EBLN1: variants seen among roughly 807,000 people sequenced by gnomAD.
EBLN1 encodes the protein endogenous Bornavirus-like nucleoprotein 1.
Under a neutral mutation model 0.8 loss-of-function variants are expected in EBLN1, and 1 was observed. The ratio of observed to expected loss-of-function variants is 1.32; its 90% CI spans 0.47 to 6.26. EBLN1 has a LOEUF of 6.26. Among genes scored for constraint, EBLN1 ranks in the 30% most tolerant of loss-of-function variants. The probability of loss-of-function intolerance (pLI) is 0.15; values close to 1 mark genes in which losing one functional copy is unlikely to be tolerated. For synonymous variants in EBLN1, 158 were observed against 158.5 expected (o/e 1.00, Z 0.02); for missense variants, 396 against 447.9 (o/e 0.88, Z 1.05).
In EBLN1 at chr10:22,209,869, A is replaced by G. The variant is rs1348077331; in HGVS notation, c.115T>C (p.Tyr39His). Residue 39 changes from tyrosine (Y) to histidine (H), a missense_variant, in exon 3 of 3, where the codon TAT becomes CAT. Coordinates refer to ENST00000422359, the MANE Select transcript of EBLN1 (RefSeq NM_001394757.1). ...RFELSGKSRQ[Y>H]PADALEPQPG... ...TGGGGCTCCAATGCATCTGCTGGAT[A>G]CTGTCTGCTCTTCCCAGAGAGCTCA... is the stretch of plus-strand genomic sequence containing the variant. 3 of 1,521,156 alleles carry G rather than the reference A, an allele frequency of 2.0e-6. No individual in the cohort carries two copies. The highest frequency in any genetic ancestry group is 2.6e-6 in the Non-Finnish European group (3 of 1,140,682). The allele number at this position is 1,521,156 out of a possible 1,614,324, so 94.2% of individuals were successfully genotyped here. A position where few individuals can be genotyped will look rare whatever the true frequency, so the allele number is the denominator to read the frequency against.
Position 22,208,942 on chromosome 10 carries a change from C to T in EBLN1, c.1042G>A (p.Asp348Asn). The change falls in exon 3 of 3, where the codon GAC (aspartate) becomes AAC (asparagine). Residue 348 changes from aspartate to asparagine, a missense_variant. Asp to Asn is a conservative substitution (Grantham distance 23). Transcript: ENST00000422359. Reference sequence around the variant, plus strand: ...ATGTTAAGTGTATATGGATCCATGTCACTTCCTCTGGAGATTTTCTGAGCA... The same window carrying T: ...ATGTTAAGTGTATATGGATCCATGTTACTTCCTCTGGAGATTTTCTGAGCA... ...ASAQKISRGSDMDPYTLNILR... is the reference protein window; with the variant it reads ...ASAQKISRGSNMDPYTLNILR... 6.5e-7 allele frequency: 1 copy of T among 1,535,648 alleles called. No individual in the cohort carries two copies. The highest frequency in any genetic ancestry group is 8.7e-7 in the Non-Finnish European group (1 of 1,146,898).
In EBLN1 at chr10:22,209,368, T is replaced by G. The variant is rs1453345845; in HGVS notation, c.616A>C (p.Met206Leu). ...INSRPWVGGL[M>L]FTFLFGEFES... ...AATTCTCCAAATAGAAATGTGAACA[T>G]TAATCCTCCAACCCATGGTCTTGAG... Residue 206 changes from methionine (M) to leucine (L), a missense_variant, in exon 3 of 3, where the codon ATG becomes CTG. Physicochemically the swap from Met to Leu is conservative, Grantham distance 15 (BLOSUM62 2). Coordinates refer to ENST00000422359, the MANE Select transcript of EBLN1 (RefSeq NM_001394757.1). The G allele has an allele frequency of 3.7e-6, 6 of 1,605,626 alleles. No homozygotes were observed. Among genetic ancestry groups the G allele is most frequent in the Non-Finnish European group, 5.1e-6 (6 of 1,179,844 alleles).
intron 2 of EBLN1, among the ~76,000 whole-genome samples, chr10:22,212,179 A>C (rs1459066470): frequency 6.6e-6 from 1 of 152,218 alleles, no homozygotes; most frequent in African/African-American, 2.4e-5. Context: ...GTACTATAGG[A>C]TTTTGTGAGT....
chr10:22,212,576 A>G (rs115651957), intron 2 of EBLN1, among the ~76,000 whole-genome samples: 2,088 of 152,230 alleles, frequency 0.014, 42 homozygotes, highest in African/African-American at 0.046. Context: ...ACCAGGTCAA[A>G]TACATAGTTT....
In EBLN1 at chr10:22,209,472, G is replaced by A; in HGVS notation, c.512C>T (p.Ser171Phe). The change falls in exon 3 of 3, where the codon TCC becomes TTC. Residue 171 changes from serine (S) to phenylalanine (F), a missense_variant. Physicochemically the swap from Ser to Phe is radical, Grantham distance 155. Transcript: ENST00000422359. ...VQRQFKAMMI[S>F]IGRPLHSESA... Reference sequence around the variant, plus strand: ...TTCACTATGCAAAGGTCTTCCAATGGATATCATCATTGCCTTGAATTGTCT... The same window carrying A: ...TTCACTATGCAAAGGTCTTCCAATGAATATCATCATTGCCTTGAATTGTCT... The A allele has an allele frequency of 6.3e-7, 1 of 1,596,874 alleles. No individual in the cohort carries two copies. The highest frequency in any genetic ancestry group is 1.1e-5 in the South Asian group (1 of 90,800).
intron 1 of EBLN1, among the ~76,000 whole-genome samples, chr10:22,214,431 C>G (rs1489701813): frequency 6.6e-6 from 1 of 151,700 alleles, no homozygotes; most frequent in East Asian, 1.9e-4. Flanking sequence ...TCCTGAGTAG[C>G]TGGGACTACA....
Position 22,216,212 on chromosome 10 carries a change from G to A in EBLN1, c.-169+1704C>T, listed in dbSNP as rs1443074196. ...TTTTTTACCCCAATAAAAGTCATTC[G>A]GTGAAACCCAATTTAGGGACACCTC... On this transcript the variant is annotated intron_variant, in intron 1 of 2. Transcript: ENST00000422359. Among the ~76,000 whole-genome samples, 11 of 151,160 alleles carry A rather than the reference G, an allele frequency of 7.3e-5. No homozygotes were observed. The East Asian group carries it at 1.9e-3, about 27-fold the overall frequency.
At position 22,209,592 on chromosome 10, in the gene EBLN1, AG is replaced by A; in HGVS notation, c.391del (p.Glu132ArgfsTer12). The A allele has an allele frequency of 1.3e-6, 2 of 1,537,842 alleles. No individual in the cohort carries two copies. The highest frequency in any genetic ancestry group is 1.7e-6 in the Non-Finnish European group (2 of 1,147,978). On this transcript the variant is annotated frameshift_variant, in exon 3 of 3. Coordinates refer to ENST00000422359, the MANE Select transcript of EBLN1 (RefSeq NM_001394757.1). LOFTEE classifies it low-confidence loss of function (END_TRUNC). The stretch of plus-strand genomic sequence containing the variant: ...GTGACGCAGAATTGATGACATCTCA[AG>A]GGCAGTGAAGGTAGGCAAAACATCT... ...FEDVLPTFTA[L>X]EMSSILRHCC...
rs1834717840 is a variant in EBLN1 at position 22,208,953 on chromosome 10, G to C, written c.1031C>G (p.Ser344Cys). The change falls in exon 3 of 3, where the codon TCC becomes TGC. Residue 344 changes from serine to cysteine, a missense_variant. Physicochemically the swap from Ser to Cys is moderately radical, Grantham distance 112. Transcript: ENST00000422359. ...ATATGGATCCATGTCACTTCCTCTGGAGATTTTCTGAGCAGATGCCATTTG... is the reference window on the plus strand; with the variant it reads ...ATATGGATCCATGTCACTTCCTCTGCAGATTTTCTGAGCAGATGCCATTTG... ...VLQMASAQKI[S>C]RGSDMDPYTL... is the part of the protein sequence containing the mutation. 1 of 1,535,646 alleles carries C rather than the reference G, an allele frequency of 6.5e-7. No individual in the cohort carries two copies. The highest frequency in any genetic ancestry group is 8.7e-7 in the Non-Finnish European group (1 of 1,146,896).
At chr10:22,211,497 A>C (rs569011955) in intron 2 of EBLN1, among the ~76,000 whole-genome samples, 1 of 150,356 alleles carries the variant, frequency 6.7e-6, no homozygotes, top group Middle Eastern at 3.4e-3. Context: ...TTAACAAAAA[A>C]CAATTTTTTT....
Position 22,208,734 on chromosome 10 carries a change from A to T in EBLN1, c.*149T>A. ...CAGAGAATATTGGATGGACTCTTTT[A>T]AAGAATAAAAGATTATAGAGAAGTT... On this transcript the variant is annotated 3_prime_UTR_variant, in exon 3 of 3. Transcript: ENST00000422359. The T allele has an allele frequency of 1.1e-6, 1 of 897,628 alleles. No individual in the cohort carries two copies. Among genetic ancestry groups the T allele is most frequent in the Non-Finnish European group, 1.6e-6 (1 of 636,976 alleles). The allele number at this position is 897,628 out of a possible 1,614,324, so 55.6% of individuals were successfully genotyped here. A position where few individuals can be genotyped will look rare whatever the true frequency, so the allele number is the denominator to read the frequency against.
intron 2 of EBLN1, among the ~76,000 whole-genome samples, chr10:22,210,857 A>G (rs989913268): frequency 1.3e-5 from 2 of 152,246 alleles, no homozygotes; most frequent in Admixed American, 1.3e-4. Context: ...AACACTGGAA[A>G]GGGAATGGAA....
chr10:22,214,302 C>CTTTT (rs34128744), intron 1 of EBLN1, among the ~76,000 whole-genome samples: 2 of 139,046 alleles, frequency 1.4e-5, no homozygotes, highest in Non-Finnish European at 3.1e-5. Flanking sequence ...GTTTTACTTT[C>CTTTT]TTTTTTTTTT....
chr10:22,216,268 A>G (rs1834791581), intron 1 of EBLN1, among the ~76,000 whole-genome samples: 1 of 151,958 alleles, frequency 6.6e-6, no homozygotes, highest in Non-Finnish European at 1.5e-5. Flanking sequence ...TTGCAAAACA[A>G]AAACAAAAAC....
chr10:22,216,861 T>C (rs996025743), intron 1 of EBLN1, among the ~76,000 whole-genome samples: 2 of 152,176 alleles, frequency 1.3e-5, no homozygotes, highest in Admixed American at 1.3e-4. Flanking sequence ...CCATCTCTGT[T>C]TTGCCAAAAT....
Position 22,208,777 on chromosome 10 carries a change from C to A in EBLN1, c.*106G>T. ...GAGAAGTTGCGATAGATGTCAGAGACAGACCAAGATTGAAAACAATAGGCA... is the reference window on the plus strand; with the variant it reads ...GAGAAGTTGCGATAGATGTCAGAGAAAGACCAAGATTGAAAACAATAGGCA... On this transcript the variant is annotated 3_prime_UTR_variant, in exon 3 of 3. Transcript: ENST00000422359. The A allele has an allele frequency of 8.1e-7, 1 of 1,237,854 alleles. No individual in the cohort carries two copies. The highest frequency in any genetic ancestry group is 1.1e-6 in the Non-Finnish European group (1 of 927,946). 76.7% of individuals were successfully genotyped at this position (1,237,854 alleles called of 1,614,324 possible).
chr10:22,212,396 T>C (rs1834762055), intron 2 of EBLN1, among the ~76,000 whole-genome samples: 1 of 152,188 alleles, frequency 6.6e-6, no homozygotes, highest in African/African-American at 2.4e-5. Flanking sequence ...TCTTATAAAA[T>C]GCCGTAGCAG....
Position 22,209,552 on chromosome 10 carries a change from T to C in EBLN1, c.432A>G (p.Ile144Met). ...SSILRHCCDL[I>M]GIAAGSSDPI... Reference sequence around the variant, plus strand: ...GGTCACTCGATCCGGCAGCAATGCCTATCAGATCACAGCAGTGACGCAGAA... The same window carrying C: ...GGTCACTCGATCCGGCAGCAATGCCCATCAGATCACAGCAGTGACGCAGAA... Residue 144 changes from isoleucine (I) to methionine (M), a missense_variant, in exon 3 of 3, where the codon ATA becomes ATG. By Grantham distance (10) the Ile-to-Met change is conservative (BLOSUM62 1). Transcript: ENST00000422359. 1.3e-6 allele frequency: 2 copies of C among 1,530,976 alleles called. No individual in the cohort carries two copies. The highest frequency in any genetic ancestry group is 2.3e-5 in the South Asian group (2 of 85,548). 94.8% of individuals were successfully genotyped at this position (1,530,976 alleles called of 1,614,324 possible). A position where few individuals can be genotyped will look rare whatever the true frequency, so the allele number is the denominator to read the frequency against.
chr10:22,212,798 G>T (rs1016534594), intron 2 of EBLN1, among the ~76,000 whole-genome samples, 44 bp downstream of exon 2: 1 of 128,672 alleles, frequency 7.8e-6, no homozygotes, highest in African/African-American at 3.8e-5. Context: ...AAAAAAAAAA[G>T]TTGTGTTTTT....
Sources: allele counts gnomAD v4.1 joint callset (sites outside exome capture counted in the v4.1 genomes callset), GRCh38; gene constraint gnomAD v4.1.1; transcripts MANE v1.5; gene names NCBI Gene and HGNC (gene_info 2026-07-23, HGNC 2026-07-21).